Variants in NDE1 observed in about 807,000 individuals in gnomAD.
The protein encoded by NDE1 is nudE neurodevelopment protein 1.
NDE1 carries 28 observed loss-of-function variants against 43.4 expected under a neutral mutation model. The observed-to-expected ratio is 0.65, with a 90% CI of 0.48 to 0.89. NDE1 has a LOEUF of 0.89. Among genes scored for constraint, NDE1 ranks in the 40% least tolerant of loss-of-function variants. NDE1 has a pLI of 0.00. For synonymous variants in NDE1, 184 were observed against 172.0 expected, an observed-to-expected ratio of 1.07 and a Z score of -0.55; for missense variants, 441 against 434.1, an observed-to-expected ratio of 1.02 and a Z score of -0.14.
At position 15,708,139 on chromosome 16, in the gene NDE1, G is replaced by A. The variant is rs1375663887; in HGVS notation, c.947+11279G>A. Among the ~76,000 whole-genome samples, 5 of 152,094 alleles carry A rather than the reference G, an allele frequency of 3.3e-5. No individual in the cohort carries two copies. In the South Asian group the frequency reaches 1.0e-3, roughly 32 times the overall value. On this transcript the variant is annotated intron_variant, in intron 8 of 8. Coordinates refer to ENST00000396354, the MANE Select transcript of NDE1 (RefSeq NM_017668.3). The stretch of plus-strand genomic sequence containing the variant: ...CAGGACTGTGCTTGGCTTTGCGGTG[G>A]TCAGCTTCCACCCCGTGTGCTGAAA...
intron 7 of NDE1, 91 bp downstream of exon 7, chr16:15,694,347 T>G (rs147281843): frequency 1.1e-5 from 17 of 1,550,858 alleles, no homozygotes; most frequent in Non-Finnish European, 1.4e-5. Flanking sequence ...CCTCTCTTCT[T>G]TTTTTCTTTT....
intron 8 of NDE1, chr16:15,708,764 C>T (rs985428245): frequency 1.3e-6 from 2 of 1,591,064 alleles, no homozygotes; most frequent in Non-Finnish European, 8.6e-7. Context: ...GAAATGGATA[C>T]TGAGACAACA....
intron 4 of NDE1, among the ~76,000 whole-genome samples, chr16:15,683,013 A>G (rs571561646): frequency 5.8e-4 from 87 of 149,820 alleles, no homozygotes; most frequent in African/African-American, 1.9e-3. Context: ...TCCAACTTAC[A>G]CATTTTTTTT....
rs540130789 is a variant in NDE1 at position 15,680,820 on chromosome 16, G to A, written c.386+2871G>A. 1.4e-4 allele frequency among the ~76,000 whole-genome samples: 22 copies of A among 152,246 alleles called. 1 individual carries two copies. The South Asian group carries it at 4.6e-3, about 32-fold the overall frequency. On this transcript the variant is annotated intron_variant, in intron 4 of 8. Transcript: ENST00000396354. Reference sequence around the variant, plus strand: ...TTCCCAAAGCTGGAATTACAGGCATGAACCACTGTGCCTGGCCCTTTGTAT... The same window carrying A: ...TTCCCAAAGCTGGAATTACAGGCATAAACCACTGTGCCTGGCCCTTTGTAT...
At chr16:15,653,178 G>A (rs985577875) in intron 1 of NDE1, among the ~76,000 whole-genome samples, 17 of 152,120 alleles carry the variant, frequency 1.1e-4, no homozygotes, top group Non-Finnish European at 2.2e-4. Flanking sequence ...TTCCATATTA[G>A]TACTTACAGT....
Position 15,691,303 on chromosome 16 carries a change from C to T in NDE1, c.683C>T (p.Thr228Ile), listed in dbSNP as rs1409737259. The T allele has an allele frequency of 5.6e-6, 9 of 1,613,992 alleles. No individual in the cohort carries two copies. The highest frequency in any genetic ancestry group is 1.3e-5 in the African/African-American group (1 of 74,910). Residue 228 changes from threonine (T) to isoleucine (I), a missense_variant, in exon 6 of 9, where the codon ACA (threonine) becomes ATA (isoleucine). Thr to Ile is a moderately conservative substitution (Grantham distance 89). Coordinates refer to ENST00000396354, the MANE Select transcript of NDE1 (RefSeq NM_017668.3). ...CGAGGACCCAGCTCAAGTTTAAACA[C>T]ACCTGGGAGCTTCAGACGTGGTAAG... is the stretch of plus-strand genomic sequence containing the variant. ...AHRGPSSSLN[T>I]PGSFRRGLDD...
chr16:15,696,950 C>T lies in NDE1; in HGVS notation c.947+90C>T, dbSNP rs2039046428. 4 of 1,561,906 alleles carry T rather than the reference C, an allele frequency of 2.6e-6. No homozygotes were observed. The South Asian group carries it at 4.6e-5, about 18-fold the overall frequency. ...TCACCCCCAGCCCACAGCCATGTGT[C>T]TTTTTAAATTATAGGATTATTTCAG... On this transcript the variant is annotated intron_variant, in intron 8 of 8. Transcript: ENST00000396354.
chr16:15,667,536 C>T lies in NDE1; in HGVS notation c.237+97C>T, dbSNP rs2037367860. 4.9e-6 allele frequency: 7 copies of T among 1,430,470 alleles called. No individual in the cohort carries two copies. The South Asian group carries it at 6.0e-5, about 12-fold the overall frequency. 88.6% of individuals were successfully genotyped at this position (1,430,470 alleles called of 1,614,324 possible). A position where few individuals can be genotyped will look rare whatever the true frequency, so the allele number is the denominator to read the frequency against. ...AGAAGGAACCCTGCAATGAGGGACT[C>T]CAGACCCCAGGCCCATGCTCATCTC... On this transcript the variant is annotated intron_variant, in intron 3 of 8. Transcript: ENST00000396354.
chr16:15,688,287 TC>T (rs1270864165), intron 5 of NDE1, among the ~76,000 whole-genome samples: 1 of 152,142 alleles, frequency 6.6e-6, no homozygotes, highest in Non-Finnish European at 1.5e-5. Flanking sequence ...TGAAACCTCA[TC>T]AGCATTTGCT....
intron 3 of NDE1, among the ~76,000 whole-genome samples, chr16:15,673,786 A>G (rs924312915): frequency 2.6e-5 from 4 of 152,082 alleles, no homozygotes; most frequent in Non-Finnish European, 5.9e-5. Context: ...TTGCGGCATG[A>G]GGCACCGCAC....
intron 5 of NDE1, among the ~76,000 whole-genome samples, chr16:15,688,687 AC>A (rs2038570193): frequency 1.9e-5 from 1 of 53,404 alleles, no homozygotes; most frequent in Non-Finnish European, 3.9e-5. Context: ...AGTTGTTTTT[AC>A]CTTTTTTTTT....
intron 6 of NDE1, among the ~76,000 whole-genome samples, chr16:15,692,169 G>T (rs1441919956): frequency 6.6e-6 from 1 of 152,198 alleles, no homozygotes; most frequent in Non-Finnish European, 1.5e-5. Flanking sequence ...GGAGTGCTCA[G>T]TGTGTGCTGG....
chr16:15,709,349 C>G (rs1006620921), intron 8 of NDE1, among the ~76,000 whole-genome samples: 1 of 152,014 alleles, frequency 6.6e-6, no homozygotes, highest in African/African-American at 2.4e-5. Flanking sequence ...GATACTCTGT[C>G]ACCCAGGATG....
chr16:15,665,023 G>C (rs1223128791), intron 2 of NDE1, among the ~76,000 whole-genome samples, 162 bp downstream of exon 2: 1 of 151,220 alleles, frequency 6.6e-6, no homozygotes, highest in African/African-American at 2.4e-5. Flanking sequence ...AGCCTCCCAA[G>C]TAGATGGGAC....
chr16:15,647,405 G>C (rs969640200), upstream of NDE1, among the ~76,000 whole-genome samples: 2 of 152,200 alleles, frequency 1.3e-5, no homozygotes, highest in Non-Finnish European at 2.9e-5. Context: ...GTAAGACCTC[G>C]GACAACTCAA....
At chr16:15,716,149 G>A (rs1240716228) in intron 8 of NDE1, among the ~76,000 whole-genome samples, 2 of 151,958 alleles carry the variant, frequency 1.3e-5, no homozygotes, top group African/African-American at 4.8e-5. Flanking sequence ...GACTGGTCTC[G>A]AACTCCTGGA....
chr16:15,677,775 C>G, intron 3 of NDE1, 26 bp from the exon 4 acceptor site: 1 of 1,613,820 alleles, frequency 6.2e-7, no homozygotes. Flanking sequence ...TTAAGTCATT[C>G]ACTCAGTGTC....
At chr16:15,719,426 G>A in intron 8 of NDE1, 5 of 1,456,372 alleles carry the variant, frequency 3.4e-6, no homozygotes, top group African/African-American at 1.4e-5. Flanking sequence ...GCTCAGGGGA[G>A]GCCCCGTGAA....
Position 15,717,291 on chromosome 16 carries a change from T to G in NDE1, c.948-6900T>G. The G allele has an allele frequency of 5.0e-6, 8 of 1,613,320 alleles. No individual in the cohort carries two copies. The highest frequency in any genetic ancestry group is 1.3e-5 in the African/African-American group (1 of 75,048). On this transcript the variant is annotated intron_variant, in intron 8 of 8. Coordinates refer to ENST00000396354, the MANE Select transcript of NDE1 (RefSeq NM_017668.3). ...TGCCGCTCGAGCTGCTGCCGGGCAC[T>G]CTCATTCTTCTGGGCCGTGCTGCGC...
Sources: gnomAD v4.1 joint callset for allele counts (sites outside exome capture counted in the v4.1 genomes callset) on GRCh38, gnomAD v4.1.1 for gene constraint, MANE v1.5 for transcripts, NCBI Gene and HGNC (gene_info 2026-07-23, HGNC 2026-07-21) for gene names.